AGBL5: variants seen among roughly 807,000 people sequenced by gnomAD.
The protein encoded by AGBL5 is cytosolic carboxypeptidase-like protein 5.
In AGBL5, 51 loss-of-function variants were observed where a neutral mutation model predicts 88.0. That is an observed-to-expected ratio of 0.58 (90% CI 0.46 to 0.73). The LOEUF (loss-of-function observed/expected upper bound fraction) is 0.73. Ranked by LOEUF, AGBL5 falls within the 30% of genes least tolerant of loss-of-function variation. The probability of loss-of-function intolerance (pLI) is 0.00; values close to 1 mark genes in which losing one functional copy is unlikely to be tolerated. For missense variants in AGBL5, 1,031 were observed against 1,162.2 expected, an observed-to-expected ratio of 0.89 and a Z score of 1.64; for synonymous variants, 446 against 438.8, an observed-to-expected ratio of 1.02 and a Z score of -0.21.
In AGBL5 at chr2:27,059,136, G is replaced by C. The variant is rs1668580184; in HGVS notation, c.1875-54G>C. 1.9e-6 allele frequency: 3 copies of C among 1,541,936 alleles called. No homozygotes were observed. In the Admixed American group the frequency reaches 5.4e-5, roughly 28 times the overall value. On this transcript the variant is annotated intron_variant, in intron 10 of 14. Coordinates refer to ENST00000360131, the MANE Select transcript of AGBL5 (RefSeq NM_021831.6). ...TACTGAGCAGCAGATCCTAGGGAAA[G>C]CCTTAGGACACAACCTTCCTGGCCC... is the stretch of plus-strand genomic sequence containing the variant.
chr2:27,056,201 G>A, intron 7 of AGBL5, 63 bp downstream of exon 7: 1 of 1,529,982 alleles, frequency 6.5e-7, no homozygotes, highest in Non-Finnish European at 8.9e-7. Flanking sequence ...ATGGGGTTAG[G>A]CCATGAACAG....
intron 4 of AGBL5, 132 bp from the exon 5 acceptor site, chr2:27,054,498 A>G: frequency 1.4e-5 from 11 of 805,794 alleles, no homozygotes; most frequent in Non-Finnish European, 2.0e-5. Context: ...CTCATTTAAC[A>G]TTGTGAGGGA....
rs1362104505 is a variant in AGBL5 at position 27,053,525 on chromosome 2, G to A, written c.339G>A (p.Leu113=). 2.5e-6 allele frequency: 4 copies of A among 1,613,924 alleles called. No homozygotes were observed. The African/African-American group carries it at 4.0e-5, about 16-fold the overall frequency. Residue 113 remains leucine (L), a synonymous_variant, in exon 3 of 15, where the codon CTG becomes CTA. Transcript: ENST00000360131. The surrounding 1 kb of genome is among the most constrained non-coding windows in gnomAD (Gnocchi z 4.9). ...SQGMAPFVRT[L]PTRPRWERIR... is the part of the protein sequence containing the mutation. The stretch of plus-strand genomic sequence containing the variant: ...GCATGGCCCCCTTTGTGCGCACACT[G>A]CCCACCCGGCCACGCTGGGAACGCA...
chr2:27,050,721 T>C (rs1668038853), upstream of AGBL5, among the ~76,000 whole-genome samples: 1 of 152,206 alleles, frequency 6.6e-6, no homozygotes, highest in South Asian at 2.1e-4. Context: ...GCGGGGGTCA[T>C]GGCTGGATGA....
intron 5 of AGBL5, 48 bp downstream of exon 5, chr2:27,054,855 C>T: frequency 6.3e-7 from 1 of 1,586,166 alleles, no homozygotes; most frequent in Non-Finnish European, 8.6e-7. Context: ...TCTCTAGCAC[C>T]AGGTACTGTT....
In AGBL5 at chr2:27,069,714, C is replaced by T. The variant is rs759539642; in HGVS notation, c.2489+8C>T. ...CTGCTCTGCTACACCAGGGTGAGCA[C>T]TTGGGTCCAGTCCCTCACACCACCC... On this transcript the variant is annotated splice_region_variant and intron_variant, in intron 14 of 14. Coordinates refer to ENST00000360131, the MANE Select transcript of AGBL5 (RefSeq NM_021831.6). The T allele has an allele frequency of 1.3e-5, 21 of 1,611,710 alleles. No individual in the cohort carries two copies. In the African/African-American group the frequency reaches 2.8e-4, roughly 22 times the overall value.
At chr2:27,058,632 G>A in intron 10 of AGBL5, 30 bp downstream of exon 10, 4 of 1,609,964 alleles carry the variant, frequency 2.5e-6, no homozygotes, top group Non-Finnish European at 3.4e-6. Context: ...AGGGAGAAAG[G>A]GTAGGACAGT....
rs1668343385 is a variant in AGBL5, at chr2:27,054,734, A to G, written c.656A>G (p.Asp219Gly). The G allele has an allele frequency of 1.9e-6, 3 of 1,613,976 alleles. No homozygotes were observed. The highest frequency in any genetic ancestry group is 2.5e-6 in the Non-Finnish European group (3 of 1,179,978). Reference sequence around the variant, plus strand: ...ACTTCCTGCCATGGGCTTCGAGAAGATCGAGAGCCCCGTCTAGAGCAGCTA... The same window carrying G: ...ACTTCCTGCCATGGGCTTCGAGAAGGTCGAGAGCCCCGTCTAGAGCAGCTA... ...TITSCHGLRE[D>G]REPRLEQLFP... Residue 219 changes from aspartate to glycine, a missense_variant, in exon 5 of 15, where the codon GAT (aspartate) becomes GGT (glycine). By Grantham distance (94) the Asp-to-Gly change is moderately conservative (BLOSUM62 -1). Around this residue, in one of 2 missense-constraint regions of AGBL5, gnomAD observed 540 missense variants for 678.2 expected, o/e 0.80. Coordinates refer to ENST00000360131, the MANE Select transcript of AGBL5 (RefSeq NM_021831.6).
intron 11 of AGBL5, among the ~76,000 whole-genome samples, chr2:27,060,010 A>T (rs1211808993): frequency 6.6e-6 from 1 of 152,200 alleles, no homozygotes; most frequent in Non-Finnish European, 1.5e-5. Context: ...TGAGCCAGGC[A>T]TGGTGGTGCA....
Position 27,054,782 on chromosome 2 carries a change from G to A in AGBL5, c.704G>A (p.Arg235Gln), listed in dbSNP as rs1415503639. 7 of 1,613,016 alleles carry A rather than the reference G, an allele frequency of 4.3e-6. No homozygotes were observed. Among genetic ancestry groups the A allele is most frequent in the Admixed American group, 3.3e-5 (2 of 59,934 alleles). ...CTATTTCCTGATACCAGCACCCCTCGACCATTCCGTTTCGCAGGCAAGAGG... is the reference window on the plus strand; with the variant it reads ...CTATTTCCTGATACCAGCACCCCTCAACCATTCCGTTTCGCAGGCAAGAGG... ...EQLFPDTSTPRPFRFAGKRIF... is the reference protein window; with the variant it reads ...EQLFPDTSTPQPFRFAGKRIF... The change falls in exon 5 of 15, where the codon CGA becomes CAA. Residue 235 changes from arginine to glutamine, a missense_variant. By Grantham distance (43) the Arg-to-Gln change is conservative (BLOSUM62 1). Coordinates refer to ENST00000360131, the MANE Select transcript of AGBL5 (RefSeq NM_021831.6).
Position 27,070,449 on chromosome 2 carries a change from T to A in AGBL5, c.*186T>A. The A allele has an allele frequency of 1.7e-6, 1 of 574,568 alleles. No homozygotes were observed. 35.6% of individuals were successfully genotyped at this position (574,568 alleles called of 1,614,324 possible). ...GAACAAAACAGGGACCTGCCACCCC[T>A]TCCCTCCCTCCGCAGCACAAGATTT... On this transcript the variant is annotated 3_prime_UTR_variant, in exon 15 of 15. Transcript: ENST00000360131.
In AGBL5 at chr2:27,068,747, A is replaced by G; in HGVS notation, c.2355+3A>G. On this transcript the variant is annotated splice_donor_region_variant and intron_variant, in intron 13 of 14. Transcript: ENST00000360131. Reference sequence around the variant, plus strand: ...CCTGCATCAAGACTCGATTGCAGGTAATATTTTTGGGTCTCCAGCATAGCT... The same window carrying G: ...CCTGCATCAAGACTCGATTGCAGGTGATATTTTTGGGTCTCCAGCATAGCT... The G allele has an allele frequency of 6.2e-7, 1 of 1,613,958 alleles. No homozygotes were observed. The highest frequency in any genetic ancestry group is 1.3e-5 in the African/African-American group (1 of 75,030).
upstream of AGBL5, among the ~76,000 whole-genome samples, chr2:27,050,708 A>G (rs1382871855): frequency 6.6e-6 from 1 of 152,118 alleles, no homozygotes; most frequent in Non-Finnish European, 1.5e-5. Context: ...TCAGCTGGAG[A>G]AAGCGGGGGT....
intron 13 of AGBL5, 23 bp downstream of exon 13, chr2:27,068,767 A>G: frequency 1.2e-6 from 2 of 1,613,126 alleles, no homozygotes; most frequent in South Asian, 1.1e-5. Context: ...GGTCTCCAGC[A>G]TAGCTACTCT....
rs1668371197 is a variant in AGBL5, at chr2:27,055,255, T to C, written c.908+2T>C. 1 of 1,613,838 alleles carries C rather than the reference T, an allele frequency of 6.2e-7. No individual in the cohort carries two copies. Among genetic ancestry groups the C allele is most frequent in the Non-Finnish European group, 8.5e-7 (1 of 1,179,780 alleles). On this transcript the variant is annotated splice_donor_variant, in intron 6 of 14. Transcript: ENST00000360131. LOFTEE classifies it high-confidence loss of function. ...TGGTGTGGTCCGGGGACACTACCGG[T>C]AAGTGGCTTCCCCAGCCTGTCTGGA...
At chr2:27,059,637 A>C (rs964883742) in intron 11 of AGBL5, 1 of 940,102 alleles carries the variant, frequency 1.1e-6, no homozygotes, top group African/African-American at 1.7e-5. Context: ...GCTTCAGTGC[A>C]TGCTAGGAGC....
In AGBL5 at chr2:27,058,461, T is replaced by A; in HGVS notation, c.1733T>A (p.Ile578Asn). ...GCGGAATGTAATCCGTGGCCCCGAA[T>A]TGTACTGTCAGAGCACAGCAGCCTT... ...DMAECNPWPR[I>N]VLSEHSSLTN... The change falls in exon 10 of 15, where the codon ATT (isoleucine) becomes AAT (asparagine). Residue 578 changes from isoleucine (I) to asparagine (N), a missense_variant. This residue lies in a region of AGBL5 where 491 missense variants were observed against 484.0 expected (regional missense o/e 1.01). Transcript: ENST00000360131. The A allele has an allele frequency of 6.2e-7, 1 of 1,614,044 alleles. No homozygotes were observed. Among genetic ancestry groups the A allele is most frequent in the Non-Finnish European group, 8.5e-7 (1 of 1,180,036 alleles).
At chr2:27,069,503 C>G in intron 13 of AGBL5, 70 bp from the exon 14 acceptor site, 1 of 1,581,948 alleles carries the variant, frequency 6.3e-7, no homozygotes, top group Non-Finnish European at 8.6e-7. Context: ...CATGGAAACT[C>G]TAGAAGCAAA....
intron 4 of AGBL5, 81 bp downstream of exon 4, chr2:27,054,140 C>A: frequency 6.8e-7 from 1 of 1,464,132 alleles, no homozygotes; most frequent in Non-Finnish European, 9.2e-7. Context: ...GCTCTTAGAG[C>A]TCTGAACCAT....
Sources: gnomAD v4.1 joint callset for allele counts (sites outside exome capture counted in the v4.1 genomes callset) on GRCh38, gnomAD v4.1.1 for gene constraint, gnomAD v4.1.1 regional missense constraint, Gnocchi (gnomAD v3.1) non-coding constraint, MANE v1.5 for transcripts, NCBI Gene and HGNC (gene_info 2026-07-23, HGNC 2026-07-21) for gene names.